C16orf78: variants seen among roughly 807,000 people sequenced by gnomAD.
C16orf78 encodes chromosome 16 open reading frame 78.
Under a neutral mutation model 27.3 loss-of-function variants are expected in C16orf78, and 19 were observed. The ratio of observed to expected loss-of-function variants is 0.70; its 90% confidence interval spans 0.49 to 1.02. The LOEUF (loss-of-function observed/expected upper bound fraction) is 1.02, where lower values mean the gene tolerates loss of function less well. Ranked by LOEUF, C16orf78 falls within the 50% of genes least tolerant of loss-of-function variation. C16orf78 has a pLI of 0.00. For synonymous variants in C16orf78, 130 were observed against 116.1 expected (o/e 1.12, Z -0.77); for missense variants, 339 against 337.0 (o/e 1.01, Z -0.05).
intron 3 of C16orf78, among the ~76,000 whole-genome samples, chr16:49,381,413 C>T (rs140085136): frequency 1.9e-3 from 294 of 152,246 alleles, no homozygotes; most frequent in African/African-American, 5.3e-3. Context: ...TGGGAGTTCA[C>T]TCATGATTTG....
At chr16:49,384,399 A>G (rs1965322678) in intron 3 of C16orf78, among the ~76,000 whole-genome samples, 1 of 151,970 alleles carries the variant, frequency 6.6e-6, no homozygotes, top group Admixed American at 6.6e-5. Context: ...GCTGAAGAAC[A>G]AGATGTCTGA....
chr16:49,382,521 C>T (rs940791645), intron 3 of C16orf78, among the ~76,000 whole-genome samples: 4 of 152,140 alleles, frequency 2.6e-5, no homozygotes, highest in African/African-American at 9.7e-5. Flanking sequence ...CCTTGTTCTT[C>T]AAAGTCCTTT....
intron 3 of C16orf78, among the ~76,000 whole-genome samples, chr16:49,386,808 T>C (rs995664497): frequency 6.6e-6 from 1 of 152,222 alleles, no homozygotes; most frequent in Non-Finnish European, 1.5e-5. Flanking sequence ...TAGTATTCCA[T>C]GGTGTATATG....
rs368217931 is a variant in C16orf78 at position 49,399,231 on chromosome 16, A to G, written c.751A>G (p.Ile251Val). 3.7e-6 allele frequency: 6 copies of G among 1,614,094 alleles called. No individual in the cohort carries two copies. Among genetic ancestry groups the G allele is most frequent in the East Asian group, 4.5e-5 (2 of 44,894 alleles). ...CCACCCCCACATGGTCGAAGAGGAC[A>G]TAGATGCTAAAAAGGTGTTCACCGG... ...DIHPHMVEED[I>V]DAKKVFTGIP... The change falls in exon 5 of 5, where the codon ATA (isoleucine) becomes GTA (valine). Residue 251 changes from isoleucine (I) to valine (V), a missense_variant. Physicochemically the swap from Ile to Val is conservative, Grantham distance 29. Coordinates refer to ENST00000299191, the MANE Select transcript of C16orf78 (RefSeq NM_144602.4).
intron 3 of C16orf78, among the ~76,000 whole-genome samples, chr16:49,391,495 G>A (rs142667423): frequency 1.3e-5 from 2 of 152,276 alleles, no homozygotes; most frequent in African/African-American, 4.8e-5. Context: ...CCAAAAGAGT[G>A]GCCAGGACAG....
chr16:49,384,385 T>A (rs1567391947), intron 3 of C16orf78, among the ~76,000 whole-genome samples: 1 of 147,260 alleles, frequency 6.8e-6, no homozygotes, highest in South Asian at 2.1e-4. Context: ...AACTAATTCC[T>A]GGAGCTGAAG....
rs374209030 is a variant in C16orf78 at position 49,380,692 on chromosome 16, C to T, written c.394+2099C>T. The stretch of plus-strand genomic sequence containing the variant: ...TTGCCATTGCTTTTGGTGTTTTAGA[C>T]ATGAAGTCCTTGCCCATGCCTATGT... On this transcript the variant is annotated intron_variant, in intron 3 of 4. Transcript: ENST00000299191. Among the ~76,000 whole-genome samples the T allele has an allele frequency of 7.0e-4, 106 of 152,332 alleles. 2 individuals carry two copies. Among genetic ancestry groups the T allele is most frequent in the African/African-American group, 2.4e-3 (101 of 41,578 alleles).
intron 3 of C16orf78, among the ~76,000 whole-genome samples, chr16:49,381,470 A>G (rs1965286452): frequency 6.6e-6 from 1 of 152,212 alleles, no homozygotes; most frequent in African/African-American, 2.4e-5. Flanking sequence ...CATCAGAGTG[A>G]ACAGGCAACC....
intron 3 of C16orf78, among the ~76,000 whole-genome samples, chr16:49,384,560 C>T (rs1965325324): frequency 6.6e-6 from 1 of 151,460 alleles, no homozygotes; most frequent in Non-Finnish European, 1.5e-5. Flanking sequence ...ACTTATGGTA[C>T]ACTGGCAAGT....
In C16orf78 at chr16:49,378,608, T is replaced by C. The variant is rs1567390202; in HGVS notation, c.394+15T>C. On this transcript the variant is annotated intron_variant, in intron 3 of 4. Transcript: ENST00000299191. ...CAAGAAATCTGGTAAGGGAAAAACCTTGGCCCCGGCCACCAGAATCCTGCT... is the reference window on the plus strand; with the variant it reads ...CAAGAAATCTGGTAAGGGAAAAACCCTGGCCCCGGCCACCAGAATCCTGCT... The C allele has an allele frequency of 7.4e-6, 12 of 1,613,532 alleles. No homozygotes were observed. Among genetic ancestry groups the C allele is most frequent in the Middle Eastern group, 1.6e-4 (1 of 6,084 alleles).
chr16:49,379,663 A>G, intron 3 of C16orf78, among the ~76,000 whole-genome samples: 1 of 152,174 alleles, frequency 6.6e-6, no homozygotes, highest in East Asian at 1.9e-4. Context: ...AAAAAGTTCT[A>G]TAATATACAA....
intron 3 of C16orf78, among the ~76,000 whole-genome samples, chr16:49,382,756 C>T (rs1422429009): frequency 6.6e-6 from 1 of 152,144 alleles, no homozygotes; most frequent in African/African-American, 2.4e-5. Context: ...TTTCCTCACC[C>T]GAGTCCTGGT....
intron 1 of C16orf78, among the ~76,000 whole-genome samples, 179 bp from the exon 2 acceptor site, chr16:49,377,552 A>G (rs1965234463): frequency 6.6e-6 from 1 of 152,096 alleles, no homozygotes; most frequent in South Asian, 2.1e-4. Flanking sequence ...GGGCGGCGAC[A>G]TGTATACCAG....
chr16:49,399,148 A>T lies in C16orf78; in HGVS notation c.668A>T (p.Lys223Met). The part of the protein sequence containing the change: ...VLSCRYLRLS[K>M]ENIRTLLKLC... ...TTGAACAGATACCTGAGGTTATCCAAGGAGAACATTCGGACCTTGCTCAAG... is the reference window on the plus strand; with the variant it reads ...TTGAACAGATACCTGAGGTTATCCATGGAGAACATTCGGACCTTGCTCAAG... The change falls in exon 5 of 5, where the codon AAG becomes ATG. Residue 223 changes from lysine (K) to methionine (M), a missense_variant. Transcript: ENST00000299191. The T allele has an allele frequency of 1.9e-6, 3 of 1,614,076 alleles. No homozygotes were observed. The highest frequency in any genetic ancestry group is 2.5e-6 in the Non-Finnish European group (3 of 1,179,964).
chr16:49,380,278 A>C (rs1965270886), intron 3 of C16orf78, among the ~76,000 whole-genome samples: 1 of 152,204 alleles, frequency 6.6e-6, no homozygotes, highest in African/African-American at 2.4e-5. Flanking sequence ...ATACTCCTTA[A>C]TAAACTCCCC....
chr16:49,381,765 C>T (rs945961639), intron 3 of C16orf78, among the ~76,000 whole-genome samples: 1 of 151,644 alleles, frequency 6.6e-6, no homozygotes, highest in Admixed American at 6.6e-5. Context: ...CAGGAAACAA[C>T]AGGTGCTGGA....
intron 3 of C16orf78, among the ~76,000 whole-genome samples, chr16:49,379,009 G>A (rs994271820): frequency 1.3e-5 from 2 of 152,154 alleles, no homozygotes; most frequent in African/African-American, 4.8e-5. Flanking sequence ...TCACCTCTAG[G>A]AAGGGATGAG....
intron 3 of C16orf78, among the ~76,000 whole-genome samples, chr16:49,383,565 CT>C (rs1337811539): frequency 6.6e-6 from 1 of 152,222 alleles, no homozygotes; most frequent in Non-Finnish European, 1.5e-5. Flanking sequence ...TCTTTAATCT[CT>C]TTCTCTTCTC....
intron 3 of C16orf78, 146 bp from the exon 4 acceptor site, chr16:49,396,277 C>G (rs1474604995): frequency 2.3e-6 from 2 of 869,332 alleles, no homozygotes; most frequent in Non-Finnish European, 3.5e-6. Flanking sequence ...TATAGAGAAC[C>G]TGTGGAAGCC....
Sources: allele counts gnomAD v4.1 joint callset (sites outside exome capture counted in the v4.1 genomes callset), GRCh38; gene constraint gnomAD v4.1.1; transcripts MANE v1.5; gene names NCBI Gene and HGNC (gene_info 2026-07-23, HGNC 2026-07-21).